Variants in PHACTR1 observed in about 807,000 individuals in gnomAD.
The protein encoded by PHACTR1 is phosphatase and actin regulator 1, also known as RPEL repeat containing 1.
In PHACTR1, 16 loss-of-function variants were observed where a neutral mutation model predicts 69.2. The observed-to-expected ratio is 0.23, with a 90% CI of 0.16 to 0.35. The LOEUF is 0.35. Among genes scored for constraint, PHACTR1 ranks in the 10% least tolerant of loss-of-function variants. PHACTR1 has a pLI of 1.00. For missense variants in PHACTR1, 510 were observed against 734.7 expected, an observed-to-expected ratio of 0.69 and a Z score of 3.54; for synonymous variants, 312 against 284.5, an observed-to-expected ratio of 1.10 and a Z score of -0.97.
chr6:12,812,406 G>A (rs953566225), intron 4 of PHACTR1, among the ~76,000 whole-genome samples: 2 of 152,178 alleles, frequency 1.3e-5, no homozygotes, highest in Non-Finnish European at 2.9e-5. Context: ...TTTTAAGTGT[G>A]TCATCACGTG....
At chr6:12,731,336 G>A (rs1484094210) in intron 3 of PHACTR1, among the ~76,000 whole-genome samples, 2 of 152,132 alleles carry the variant, frequency 1.3e-5, no homozygotes, top group Non-Finnish European at 2.9e-5. Flanking sequence ...TAAAACCCAT[G>A]CAGTAATATA....
At chr6:12,764,319 A>G (rs1768364168) in intron 4 of PHACTR1, among the ~76,000 whole-genome samples, 3 of 152,196 alleles carry the variant, frequency 2.0e-5, no homozygotes, top group Admixed American at 1.3e-4. Flanking sequence ...TTTTCTTTCT[A>G]GTTGCTGGTT....
intron 4 of PHACTR1, among the ~76,000 whole-genome samples, chr6:13,014,442 G>C (rs911509739): frequency 6.6e-6 from 1 of 152,196 alleles, no homozygotes; most frequent in Non-Finnish European, 1.5e-5. Context: ...TAGGGGATTT[G>C]TCGGTAGCAA....
chr6:13,177,377 C>CTA lies in PHACTR1; in HGVS notation c.497-5141_497-5140insAT, dbSNP rs770416066. Among the ~76,000 whole-genome samples the CTA allele has an allele frequency of 8.5e-3, 1,115 of 131,666 alleles. 4 individuals carry two copies. The highest frequency in any genetic ancestry group is 0.018 in the Admixed American group (208 of 11,768). 86.4% of individuals were successfully genotyped at this position (131,666 alleles called of 152,430 possible). ...TCTCTCTCTTGCGCTCTCTCTCTCT[C>CTA]TCTCTATATATATATACACACACAC... On this transcript the variant is annotated intron_variant, in intron 6 of 14. Coordinates refer to ENST00000332995, the MANE Select transcript of PHACTR1 (RefSeq NM_030948.6).
intron 5 of PHACTR1, among the ~76,000 whole-genome samples, chr6:13,066,167 A>G (rs1808591026): frequency 6.6e-6 from 1 of 152,168 alleles, no homozygotes; most frequent in African/African-American, 2.4e-5. Context: ...GTTTCTTCTC[A>G]AAGTGAACTT....
intron 4 of PHACTR1, among the ~76,000 whole-genome samples, chr6:13,025,712 TGTGTGTATGG>T (rs1801608520): frequency 6.6e-6 from 1 of 151,342 alleles, no homozygotes; most frequent in Non-Finnish European, 1.5e-5. Flanking sequence ...TGTGTGTGTC[TGTGTGTATGG>T]GTGTGTATGG....
chr6:12,865,537 G>T (rs908192057), intron 4 of PHACTR1, among the ~76,000 whole-genome samples: 1 of 151,858 alleles, frequency 6.6e-6, no homozygotes, highest in African/African-American at 2.4e-5. Context: ...TTGATTCTCT[G>T]GTCTTTTCAC....
chr6:12,925,652 G>A (rs902888786), intron 4 of PHACTR1, among the ~76,000 whole-genome samples: 20 of 152,100 alleles, frequency 1.3e-4, no homozygotes, highest in Non-Finnish European at 2.8e-4. Context: ...GGATTTGGCT[G>A]GTGACTAAAT....
At chr6:12,906,956 C>T (rs1785803085) in intron 4 of PHACTR1, among the ~76,000 whole-genome samples, 1 of 152,078 alleles carries the variant, frequency 6.6e-6, no homozygotes, top group African/African-American at 2.4e-5. Flanking sequence ...AGAGTAGTTC[C>T]CTGAGAAAGG....
chr6:13,000,641 G>GA (rs1471881943), intron 4 of PHACTR1, among the ~76,000 whole-genome samples: 1 of 111,922 alleles, frequency 8.9e-6, no homozygotes, highest in African/African-American at 3.9e-5. Flanking sequence ...AGGAAGGAAG[G>GA]GGGGAGGGAG....
At chr6:12,975,834 C>T (rs1182601906) in intron 4 of PHACTR1, among the ~76,000 whole-genome samples, 1 of 152,248 alleles carries the variant, frequency 6.6e-6, no homozygotes, top group African/African-American at 2.4e-5. Context: ...ATCCTCCTGC[C>T]TCAGCCTCCC....
At chr6:13,281,123 G>A in intron 12 of PHACTR1, 1 of 1,289,242 alleles carries the variant, frequency 7.8e-7, no homozygotes, top group Non-Finnish European at 1.0e-6. Context: ...CTGACCTGCA[G>A]CATTTATGCT....
intron 4 of PHACTR1, among the ~76,000 whole-genome samples, chr6:12,968,581 A>G (rs921865989): frequency 1.2e-4 from 18 of 152,228 alleles, no homozygotes; most frequent in Non-Finnish European, 2.5e-4. Context: ...CCTTGAAAAC[A>G]TCATTCTACT....
At chr6:13,047,171 A>G (rs555337518) in intron 4 of PHACTR1, among the ~76,000 whole-genome samples, 1 of 152,236 alleles carries the variant, frequency 6.6e-6, no homozygotes, top group South Asian at 2.1e-4. Flanking sequence ...TGAGGCCAGG[A>G]GTTCAAGACC....
intron 4 of PHACTR1, among the ~76,000 whole-genome samples, chr6:12,831,018 C>A (rs1334503316): frequency 6.6e-6 from 1 of 152,146 alleles, no homozygotes; most frequent in African/African-American, 2.4e-5. Context: ...ATCAACTGAA[C>A]TGTGTGCCTA....
intron 4 of PHACTR1, among the ~76,000 whole-genome samples, chr6:12,972,139 A>C (rs958034702): frequency 6.6e-6 from 1 of 152,230 alleles, no homozygotes; most frequent in East Asian, 1.9e-4. Flanking sequence ...GTGATATAGT[A>C]TAAACAACTA....
Position 13,281,352 on chromosome 6 carries a change from G to A in PHACTR1, c.1510-2070G>A, listed in dbSNP as rs139960707. 33 of 337,942 alleles carry A rather than the reference G, an allele frequency of 9.8e-5. No homozygotes were observed. In the East Asian group the frequency reaches 2.4e-3, roughly 25 times the overall value. The allele number at this position is 337,942 out of a possible 1,614,324, so 20.9% of individuals were successfully genotyped here. On this transcript the variant is annotated intron_variant, in intron 12 of 14. Coordinates refer to ENST00000332995, the MANE Select transcript of PHACTR1 (RefSeq NM_030948.6). ...GCGGATCATTTGAGATCAGGAGTTCGAGAGCAGTCTGGGCAATATGGCGAA... is the reference window on the plus strand; with the variant it reads ...GCGGATCATTTGAGATCAGGAGTTCAAGAGCAGTCTGGGCAATATGGCGAA...
intron 4 of PHACTR1, among the ~76,000 whole-genome samples, chr6:12,897,509 G>A (rs1346661222): frequency 1.3e-5 from 2 of 151,876 alleles, no homozygotes; most frequent in Non-Finnish European, 1.5e-5. Context: ...TCTCATTATT[G>A]CCATAGGCTA....
intron 4 of PHACTR1, among the ~76,000 whole-genome samples, chr6:13,012,762 C>T (rs1265567887): frequency 6.6e-6 from 1 of 152,168 alleles, no homozygotes; most frequent in Non-Finnish European, 1.5e-5. Context: ...TGATATCGGA[C>T]TGGCGATATC....
Sources: gnomAD v4.1 joint callset for allele counts (sites outside exome capture counted in the v4.1 genomes callset) on GRCh38, gnomAD v4.1.1 for gene constraint, MANE v1.5 for transcripts, NCBI Gene and HGNC (gene_info 2026-07-23, HGNC 2026-07-21) for gene names.